Variants in MAP3K13 observed in about 807,000 individuals in gnomAD.
MAP3K13 encodes the protein leucine zipper-bearing kinase.
MAP3K13 carries 52 observed loss-of-function variants against 104.0 expected under a neutral mutation model. The ratio of observed to expected loss-of-function variants is 0.50; its 90% CI spans 0.40 to 0.63. The LOEUF is 0.63. MAP3K13 is among the 20% of genes least tolerant of loss of function. The pLI, the probability that MAP3K13 is intolerant of heterozygous loss-of-function variation, is 0.00. For synonymous variants in MAP3K13, 394 were observed against 442.2 expected, an observed-to-expected ratio of 0.89 and a Z score of 1.37; for missense variants, 914 against 1,218.5, an observed-to-expected ratio of 0.75 and a Z score of 3.72.
chr3:185,455,309 A>AGATATATAT (rs1716451612), intron 7 of MAP3K13, among the ~76,000 whole-genome samples: 3 of 111,364 alleles, frequency 2.7e-5, no homozygotes, highest in Non-Finnish European at 5.4e-5. Context: ...GATATATATG[A>AGATATATAT]GATATATATG....
intron 2 of MAP3K13, among the ~76,000 whole-genome samples, chr3:185,351,368 A>T (rs191535190): frequency 6.6e-6 from 1 of 152,324 alleles, no homozygotes; most frequent in East Asian, 1.9e-4. Flanking sequence ...TTAAAATGTG[A>T]TTTTAAAAAT....
intron 1 of MAP3K13, among the ~76,000 whole-genome samples, chr3:185,371,171 T>G (rs1190477977): frequency 6.6e-6 from 1 of 152,186 alleles, no homozygotes; most frequent in African/African-American, 2.4e-5. Context: ...AAAAGATAAA[T>G]TTTAAAATTA....
intron 1 of MAP3K13, among the ~76,000 whole-genome samples, chr3:185,406,213 A>G (rs1713106106): frequency 6.6e-6 from 1 of 152,218 alleles, no homozygotes; most frequent in African/African-American, 2.4e-5. Context: ...CCAGGGTGCC[A>G]CTTGACTCTT....
At chr3:185,374,027 A>AT (rs1724296726) in intron 1 of MAP3K13, among the ~76,000 whole-genome samples, 1 of 139,952 alleles carries the variant, frequency 7.1e-6, no homozygotes, top group East Asian at 2.1e-4. Context: ...AAAGGTGGGG[A>AT]GATTACAAAG....
chr3:185,428,813 G>A lies in MAP3K13; in HGVS notation c.232G>A (p.Asp78Asn). 1.2e-6 allele frequency: 2 copies of A among 1,614,090 alleles called. No individual in the cohort carries two copies. Among genetic ancestry groups the A allele is most frequent in the Non-Finnish European group, 1.7e-6 (2 of 1,180,010 alleles). The change falls in exon 2 of 14, where the codon GAC (aspartate) becomes AAC (asparagine). Residue 78 changes from aspartate (D) to asparagine (N), a missense_variant. By Grantham distance (23) the Asp-to-Asn change is conservative (BLOSUM62 1). This residue lies in a region of MAP3K13 where 156 missense variants were observed against 159.8 expected (regional missense o/e 0.98). Transcript: ENST00000265026. ...VLTSVSEDSR[D>N]QFENSVLQLR... ...GACGAGCGTAAGTGAGGATTCCAGG[G>A]ACCAGTTTGAGAACAGCGTTCTTCA... is the stretch of plus-strand genomic sequence containing the variant.
At position 185,443,437 on chromosome 3, in the gene MAP3K13, C is replaced by T. The variant is rs1439468439; in HGVS notation, c.660-8C>T. 6.3e-7 allele frequency: 1 copy of T among 1,598,322 alleles called. No homozygotes were observed. Among genetic ancestry groups the T allele is most frequent in the Non-Finnish European group, 8.6e-7 (1 of 1,168,848 alleles). On this transcript the variant is annotated splice_region_variant and splice_polypyrimidine_tract_variant and intron_variant, in intron 3 of 13. Coordinates refer to ENST00000265026, the MANE Select transcript of MAP3K13 (RefSeq NM_004721.5). ...GTATTGATGTACATGTTTATGTTTT[C>T]TTGGAAGGGGTGTTTGTACTCAGGC...
chr3:185,362,368 C>T (rs138823531), upstream of MAP3K13, among the ~76,000 whole-genome samples: 1,186 of 152,270 alleles, frequency 7.8e-3, 15 homozygotes, highest in African/African-American at 0.028. Flanking sequence ...AATAAAACAT[C>T]TTACTGAAAC....
intron 7 of MAP3K13, among the ~76,000 whole-genome samples, chr3:185,454,847 A>AGATATATACATGATATATATAT (rs1577583323): frequency 4.0e-5 from 3 of 75,202 alleles, no homozygotes; most frequent in East Asian, 6.3e-4. Flanking sequence ...TATATATATG[A>AGATATATACATGATATATATAT]GATATATACA....
At chr3:185,453,733 C>T (rs1330614501) in intron 7 of MAP3K13, among the ~76,000 whole-genome samples, 1 of 148,244 alleles carries the variant, frequency 6.7e-6, no homozygotes, top group African/African-American at 2.5e-5. Context: ...CACGCCACTG[C>T]ACTCCACCCT....
rs1718789332 is a variant in MAP3K13, at chr3:185,487,763, T to TCCAAGA, written c.*5318_*5323dup. Reference sequence around the variant, plus strand: ...CTACCACTTACCACCATCTACCACCTCCAAGACCAAGACCAACATTATGTA... The same window carrying TCCAAGA: ...CTACCACTTACCACCATCTACCACCTCCAAGACCAAGACCAAGACCAACATTATGTA... On this transcript the variant is annotated 3_prime_UTR_variant, in exon 14 of 14. Coordinates refer to ENST00000265026, the MANE Select transcript of MAP3K13 (RefSeq NM_004721.5). 1 of 152,194 alleles carries TCCAAGA rather than the reference T, an allele frequency of 6.6e-6. No homozygotes were observed. The highest frequency in any genetic ancestry group is 1.5e-5 in the Non-Finnish European group (1 of 68,076). 9.4% of individuals were successfully genotyped at this position (152,194 alleles called of 1,614,324 possible).
At chr3:185,471,280 CA>C (rs1164390626) in intron 10 of MAP3K13, among the ~76,000 whole-genome samples, 1 of 146,762 alleles carries the variant, frequency 6.8e-6, no homozygotes, top group Non-Finnish European at 1.5e-5. Flanking sequence ...TTGAGCATCC[CA>C]AAAAAACTGT....
chr3:185,479,829 C>G (rs573886477), intron 12 of MAP3K13, among the ~76,000 whole-genome samples: 1 of 152,178 alleles, frequency 6.6e-6, no homozygotes, highest in African/African-American at 2.4e-5. Context: ...AGACAGCCAC[C>G]TTCTCTGTTT....
At chr3:185,421,092 C>T (rs956576303) in intron 1 of MAP3K13, among the ~76,000 whole-genome samples, 3 of 152,180 alleles carry the variant, frequency 2.0e-5, no homozygotes, top group African/African-American at 4.8e-5. Context: ...GTTGTAAGGG[C>T]GGCAGTAGCA....
intron 2 of MAP3K13, among the ~76,000 whole-genome samples, chr3:185,301,901 G>A (rs962185963): frequency 6.6e-6 from 1 of 152,166 alleles, no homozygotes; most frequent in African/African-American, 2.4e-5. Context: ...CAGGAAGTTT[G>A]AGGCCTTCAG....
Position 185,294,648 on chromosome 3 carries a change from C to T in MAP3K13, c.-86+9005C>T, listed in dbSNP as rs546884153. On this transcript the variant is annotated intron_variant, in intron 2 of 14. Coordinates refer to the MAP3K13 transcript ENST00000424227. ...AGGCTGTTATGTTTATGACAATTGG[C>T]AGCTGTGGCATAAAAGGCTCATTAC... is the stretch of plus-strand genomic sequence containing the variant. 2.0e-5 allele frequency among the ~76,000 whole-genome samples: 3 copies of T among 152,306 alleles called. No homozygotes were observed. In the South Asian group the frequency reaches 6.2e-4, roughly 32 times the overall value.
chr3:185,440,326 G>GT (rs544219724), intron 3 of MAP3K13, among the ~76,000 whole-genome samples: 1 of 152,132 alleles, frequency 6.6e-6, no homozygotes, highest in Non-Finnish European at 1.5e-5. Context: ...TAAAAGGTGC[G>GT]TAAGATCACT....
rs370299399 is a variant in MAP3K13 at position 185,428,747 on chromosome 3, C to T, written c.166C>T (p.Leu56=). ...QQEKGMVRTE[L]IESVHSPVTT... Reference sequence around the variant, plus strand: ...GGAAAAGGGGATGGTACGAACAGAGCTAATCGAGAGCGTGCACAGCCCCGT... The same window carrying T: ...GGAAAAGGGGATGGTACGAACAGAGTTAATCGAGAGCGTGCACAGCCCCGT... Residue 56 remains leucine, a synonymous_variant, in exon 2 of 14, where the codon CTA becomes TTA. Transcript: ENST00000265026. 1.9e-6 allele frequency: 3 copies of T among 1,614,172 alleles called. No individual in the cohort carries two copies. Among genetic ancestry groups the T allele is most frequent in the African/African-American group, 2.7e-5 (2 of 75,034 alleles).
intron 1 of MAP3K13, among the ~76,000 whole-genome samples, chr3:185,370,099 C>G (rs1173054574): frequency 6.6e-6 from 1 of 152,162 alleles, no homozygotes; most frequent in Non-Finnish European, 1.5e-5. Flanking sequence ...ATTCTTGGAA[C>G]CTGGATGTTA....
rs905670683 is a variant in MAP3K13, at chr3:185,285,478, T to C, written c.-204-47T>C. The C allele has an allele frequency of 5.0e-5, 30 of 597,772 alleles. 1 individual carries two copies. 37.0% of individuals were successfully genotyped at this position (597,772 alleles called of 1,614,324 possible). A position where few individuals can be genotyped will look rare whatever the true frequency, so the allele number is the denominator to read the frequency against. ...TCATAATGAGTTGGTATCTCAGTGG[T>C]ACCTTAGGTCTGTACATTGACATTC... On this transcript the variant is annotated intron_variant, in intron 1 of 14. Coordinates refer to the MAP3K13 transcript ENST00000424227.
Sources: allele counts gnomAD v4.1 joint callset (sites outside exome capture counted in the v4.1 genomes callset), GRCh38; gene constraint gnomAD v4.1.1; regional missense constraint gnomAD v4.1.1; transcripts MANE v1.5; gene names NCBI Gene and HGNC (gene_info 2026-07-23, HGNC 2026-07-21).